PTPRM: variants seen among roughly 807,000 people sequenced by gnomAD.
The protein encoded by PTPRM is receptor-type tyrosine-protein phosphatase mu.
PTPRM carries 47 observed loss-of-function variants against 186.7 expected under a neutral mutation model. That is an observed-to-expected ratio of 0.25 (90% CI 0.20 to 0.32). The LOEUF (loss-of-function observed/expected upper bound fraction) is 0.32. PTPRM is among the 10% of genes least tolerant of loss of function. The probability of loss-of-function intolerance (pLI) is 1.00; values close to 1 mark genes in which losing one functional copy is unlikely to be tolerated. For synonymous variants in PTPRM, 668 were observed against 674.9 expected, an observed-to-expected ratio of 0.99 and a Z score of 0.16; for missense variants, 1,494 against 1,865.0, an observed-to-expected ratio of 0.80 and a Z score of 3.66.
intron 1 of PTPRM, among the ~76,000 whole-genome samples, chr18:7,638,240 G>A (rs970757205): frequency 2.6e-5 from 4 of 152,168 alleles, no homozygotes; most frequent in African/African-American, 9.6e-5. Context: ...ATCTGAGAAA[G>A]CATTATATCT....
chr18:8,013,200 T>C (rs2147884661), intron 7 of PTPRM, among the ~76,000 whole-genome samples: 1 of 152,316 alleles, frequency 6.6e-6, no homozygotes, highest in African/African-American at 2.4e-5. Context: ...ATTTTCAATT[T>C]GTTTGAAAAT....
At chr18:7,880,646 C>T (rs550696544) in intron 2 of PTPRM, among the ~76,000 whole-genome samples, 3 of 152,248 alleles carry the variant, frequency 2.0e-5, no homozygotes, top group African/African-American at 2.4e-5. Context: ...GTGGCACCTC[C>T]CTGCAGAGGC....
At chr18:8,379,991 T>TAA (rs1281367730) in intron 28 of PTPRM, among the ~76,000 whole-genome samples, 5 of 152,266 alleles carry the variant, frequency 3.3e-5, no homozygotes, top group Non-Finnish European at 7.3e-5. Flanking sequence ...AAAGTAAAGT[T>TAA]AAATTTTCTC....
intron 3 of PTPRM, among the ~76,000 whole-genome samples, chr18:7,896,850 G>A (rs1046881322): frequency 1.3e-5 from 2 of 152,156 alleles, no homozygotes; most frequent in African/African-American, 2.4e-5. Context: ...TGAGGGAATA[G>A]GGATGACTTG....
chr18:8,198,535 T>G (rs2093810708), intron 14 of PTPRM, among the ~76,000 whole-genome samples: 1 of 152,226 alleles, frequency 6.6e-6, no homozygotes, highest in African/African-American at 2.4e-5. Context: ...ACCTCCGTAT[T>G]TCTAAGAAAT....
At chr18:8,305,598 C>A (rs551185672) in intron 20 of PTPRM, among the ~76,000 whole-genome samples, 64 of 152,288 alleles carry the variant, frequency 4.2e-4, no homozygotes, top group Non-Finnish European at 6.9e-4. Context: ...GATTCTGGCT[C>A]GGGAGCCCGG....
intron 22 of PTPRM, among the ~76,000 whole-genome samples, chr18:8,329,417 T>C (rs1290069836): frequency 6.6e-6 from 1 of 152,222 alleles, no homozygotes; most frequent in Non-Finnish European, 1.5e-5. Context: ...AAACGTCATA[T>C]GTTAAGACAG....
chr18:7,899,342 C>T (rs758616202), intron 3 of PTPRM, among the ~76,000 whole-genome samples: 7 of 152,176 alleles, frequency 4.6e-5, no homozygotes, highest in East Asian at 1.9e-4. Context: ...TGTGCATGTC[C>T]GCAGATACCA....
In PTPRM at chr18:7,899,187, C is replaced by T. The variant is rs148629108; in HGVS notation, c.469-7318C>T. ...AAAGCAACGTTACCAAAAAGAAGCA[C>T]AAAAATGGAAAAGCATGGCACTAAC... On this transcript the variant is annotated intron_variant, in intron 3 of 32. Coordinates refer to ENST00000580170, the MANE Select transcript of PTPRM (RefSeq NM_001105244.2). 4.0e-3 allele frequency among the ~76,000 whole-genome samples: 602 copies of T among 152,174 alleles called. 3 individuals carry two copies. Among genetic ancestry groups the T allele is most frequent in the Middle Eastern group, 6.8e-3 (2 of 294 alleles).
Position 7,846,695 on chromosome 18 carries a change from G to A in PTPRM, c.197-41411G>A, listed in dbSNP as rs139297696. Among the ~76,000 whole-genome samples the A allele has an allele frequency of 2.0e-5, 3 of 152,206 alleles. 1 individual carries two copies. The South Asian group carries it at 6.2e-4, about 31-fold the overall frequency. On this transcript the variant is annotated intron_variant, in intron 2 of 32. Coordinates refer to ENST00000580170, the MANE Select transcript of PTPRM (RefSeq NM_001105244.2). ...TTGCCTAGGGAAGCGCACAGCCCTG[G>A]AGGGCACTCACTAAATGCTTAGTGA...
chr18:7,896,362 G>T (rs372292325), intron 3 of PTPRM, among the ~76,000 whole-genome samples: 1 of 152,096 alleles, frequency 6.6e-6, no homozygotes, highest in African/African-American at 2.4e-5. Flanking sequence ...CACAGATTTC[G>T]TCATATTCTA....
intron 1 of PTPRM, among the ~76,000 whole-genome samples, chr18:7,685,536 G>C (rs1009744141): frequency 6.6e-6 from 1 of 152,180 alleles, no homozygotes; most frequent in Non-Finnish European, 1.5e-5. Context: ...TTTATTGTGA[G>C]AAGGAGTCTA....
At chr18:8,228,503 A>G (rs2034290214) in intron 14 of PTPRM, among the ~76,000 whole-genome samples, 1 of 152,082 alleles carries the variant, frequency 6.6e-6, no homozygotes, top group Admixed American at 6.6e-5. Flanking sequence ...AAATATGTGT[A>G]TATGTGTGTG....
intron 19 of PTPRM, among the ~76,000 whole-genome samples, chr18:8,282,728 G>C (rs1401746517): frequency 6.6e-6 from 1 of 151,990 alleles, no homozygotes; most frequent in Non-Finnish European, 1.5e-5. Context: ...AGCACTGCTG[G>C]GCATTTATCA....
chr18:8,357,052 C>T (rs2095567132), intron 23 of PTPRM, among the ~76,000 whole-genome samples: 1 of 152,198 alleles, frequency 6.6e-6, no homozygotes, highest in Admixed American at 6.5e-5. Flanking sequence ...TTGATGCTTC[C>T]TGTACACTCT....
At chr18:7,612,874 C>T (rs2037710054) in intron 1 of PTPRM, among the ~76,000 whole-genome samples, 1 of 152,132 alleles carries the variant, frequency 6.6e-6, no homozygotes. Flanking sequence ...TGGAATGTAC[C>T]TAGCTCCCAT....
intron 2 of PTPRM, among the ~76,000 whole-genome samples, chr18:7,784,019 C>T (rs1023507820): frequency 5.9e-5 from 9 of 151,944 alleles, no homozygotes; most frequent in Non-Finnish European, 1.3e-4. Flanking sequence ...GTTAGAAGAT[C>T]CCTCACATTG....
chr18:8,221,256 ATTG>A (rs1295381288), intron 14 of PTPRM, among the ~76,000 whole-genome samples: 1 of 152,066 alleles, frequency 6.6e-6, no homozygotes, highest in African/African-American at 2.4e-5. Flanking sequence ...TGGAGCCTGT[ATTG>A]TTGTCGCTGT....
chr18:7,692,418 G>C lies in PTPRM; in HGVS notation c.74-81731G>C, dbSNP rs538598632. Reference sequence around the variant, plus strand: ...GATGGCTAGATCCCAGGAGGTTAAGGCTATAGTGAGCCAAGTCACAGCACT... The same window carrying C: ...GATGGCTAGATCCCAGGAGGTTAAGCCTATAGTGAGCCAAGTCACAGCACT... On this transcript the variant is annotated intron_variant, in intron 1 of 32. Coordinates refer to ENST00000580170, the MANE Select transcript of PTPRM (RefSeq NM_001105244.2). Among the ~76,000 whole-genome samples the C allele has an allele frequency of 3.9e-5, 6 of 152,232 alleles. No individual in the cohort carries two copies. The East Asian group carries it at 1.2e-3, about 29-fold the overall frequency.
Sources: gnomAD v4.1 joint callset for allele counts (sites outside exome capture counted in the v4.1 genomes callset) on GRCh38, gnomAD v4.1.1 for gene constraint, MANE v1.5 for transcripts, NCBI Gene and HGNC (gene_info 2026-07-23, HGNC 2026-07-21) for gene names.